The following PDE8B variants were observed in gnomAD, a reference collection of about 807,000 sequenced individuals.
The protein encoded by PDE8B is phosphodiesterase 8B.
PDE8B carries 26 observed loss-of-function variants against 101.3 expected under a neutral mutation model. The observed-to-expected ratio is 0.26, with a 90% confidence interval of 0.19 to 0.36. PDE8B has a LOEUF of 0.36. PDE8B is among the 10% of genes least tolerant of loss of function. The pLI, the probability that PDE8B is intolerant of heterozygous loss-of-function variation, is 1.00. For synonymous variants in PDE8B, 424 were observed against 429.3 expected, an observed-to-expected ratio of 0.99 and a Z score of 0.15; for missense variants, 810 against 1,163.1, an observed-to-expected ratio of 0.70 and a Z score of 4.42.
intron 10 of PDE8B, among the ~76,000 whole-genome samples, chr5:77,372,544 C>T (rs1339275093): frequency 2.6e-5 from 4 of 152,154 alleles, no homozygotes; most frequent in Non-Finnish European, 4.4e-5. Flanking sequence ...GTGAAGGTAT[C>T]GTGGCCTGGA....
chr5:77,404,775 G>A lies in PDE8B; in HGVS notation c.1266G>A (p.Ser422=), dbSNP rs146656374. The A allele has an allele frequency of 2.1e-5, 34 of 1,601,714 alleles. No homozygotes were observed. Among genetic ancestry groups the A allele is most frequent in the African/African-American group, 8.0e-5 (6 of 74,676 alleles). The change falls in exon 12 of 22, where the codon TCG becomes TCA. Residue 422 remains serine (S), a synonymous_variant. Coordinates refer to ENST00000264917, the MANE Select transcript of PDE8B (RefSeq NM_003719.5). Reference sequence around the variant, plus strand: ...GGAAAGAGTCCATTGACGTGAAATCGATATCATCTCGAGGCAGTGATGGTA... The same window carrying A: ...GGAAAGAGTCCATTGACGTGAAATCAATATCATCTCGAGGCAGTGATGGTA... ...NRRKESIDVK[S]ISSRGSDAPS...
intron 1 of PDE8B, among the ~76,000 whole-genome samples, chr5:77,271,081 A>G (rs1762692571): frequency 6.6e-6 from 1 of 152,238 alleles, no homozygotes; most frequent in South Asian, 2.1e-4. Context: ...CGCAGTGGCT[A>G]GGCCCCACCC....
intron 7 of PDE8B, 37 bp from the exon 8 acceptor site, chr5:77,349,382 G>A: frequency 1.2e-6 from 2 of 1,613,262 alleles, no homozygotes; most frequent in Non-Finnish European, 1.7e-6. Flanking sequence ...TCTGTCTTGT[G>A]TCCCCGCACT....
chr5:77,354,137 G>A (rs1306850396), intron 10 of PDE8B, among the ~76,000 whole-genome samples: 1 of 152,178 alleles, frequency 6.6e-6, no homozygotes, highest in African/African-American at 2.4e-5. Flanking sequence ...GGGCTTCTGT[G>A]GCATAATCCA....
intron 4 of PDE8B, among the ~76,000 whole-genome samples, chr5:77,329,858 G>A (rs1309022051): frequency 6.6e-6 from 1 of 152,120 alleles, no homozygotes; most frequent in Non-Finnish European, 1.5e-5. Flanking sequence ...GGCCAGGAAA[G>A]TCTGGCCCAG....
chr5:77,200,387 A>G, the PDE8B span, among the ~76,000 whole-genome samples: 1 of 152,196 alleles, frequency 6.6e-6, no homozygotes, highest in East Asian at 1.9e-4. Context: ...GTTTACTTCT[A>G]CAAATAAGCC....
chr5:77,329,184 A>T, intron 4 of PDE8B, 127 bp downstream of exon 4: 1 of 723,930 alleles, frequency 1.4e-6, no homozygotes, highest in Non-Finnish European at 2.5e-6. Flanking sequence ...CCAGCCTTAG[A>T]TCTTGATCTT....
At chr5:77,168,257 C>T in the PDE8B span, among the ~76,000 whole-genome samples, 14 of 152,222 alleles carry the variant, frequency 9.2e-5, no homozygotes, top group Non-Finnish European at 8.8e-5. Flanking sequence ...GGCATGGCAG[C>T]CTGAGAAGTC....
intron 4 of PDE8B, among the ~76,000 whole-genome samples, chr5:77,330,662 C>T (rs886745998): frequency 6.6e-6 from 1 of 152,148 alleles, no homozygotes; most frequent in African/African-American, 2.4e-5. Flanking sequence ...CACCCAATCC[C>T]TTTTATTCCA....
At chr5:77,168,312 T>C in the PDE8B span, among the ~76,000 whole-genome samples, 1 of 152,196 alleles carries the variant, frequency 6.6e-6, no homozygotes, top group Non-Finnish European at 1.5e-5. Context: ...TGTGTCAGGC[T>C]GTTCCTTCCT....
At chr5:77,168,517 C>G in the PDE8B span, among the ~76,000 whole-genome samples, 1 of 152,250 alleles carries the variant, frequency 6.6e-6, no homozygotes, top group East Asian at 1.9e-4. Flanking sequence ...TCCTGCCCCT[C>G]TGAGGCAGGG....
At chr5:77,375,889 C>CTTTTTTTTTTTTTTTT (rs70988668) in intron 10 of PDE8B, among the ~76,000 whole-genome samples, 1 of 108,316 alleles carries the variant, frequency 9.2e-6, no homozygotes, top group Non-Finnish European at 1.8e-5. Flanking sequence ...GCCTTGATTT[C>CTTTTTTTTTTTTTTTT]TTTTTTTTTT....
intron 10 of PDE8B, among the ~76,000 whole-genome samples, chr5:77,375,884 G>C (rs1412983686): frequency 3.5e-5 from 4 of 114,466 alleles, no homozygotes; most frequent in African/African-American, 1.4e-4. Flanking sequence ...TTTGTGCCTT[G>C]ATTTCTTTTT....
chr5:77,344,821 A>G, intron 6 of PDE8B, 32 bp from the exon 7 acceptor site: 1 of 1,337,898 alleles, frequency 7.5e-7, no homozygotes, highest in South Asian at 1.2e-5. Context: ...GTTTTCATAG[A>G]AGAACTAACT....
chr5:77,131,544 C>T, the PDE8B span, among the ~76,000 whole-genome samples: 1 of 152,176 alleles, frequency 6.6e-6, no homozygotes, highest in Non-Finnish European at 1.5e-5. Context: ...TTGGGCAAAG[C>T]CATTTAACCT....
At chr5:77,124,431 A>G in the PDE8B span, among the ~76,000 whole-genome samples, 25 of 152,040 alleles carry the variant, frequency 1.6e-4, no homozygotes, top group Non-Finnish European at 3.7e-4. Flanking sequence ...TACACAAAAT[A>G]CAAAAAATTA....
At chr5:77,288,022 T>A (rs1263856900) in intron 1 of PDE8B, among the ~76,000 whole-genome samples, 2 of 152,214 alleles carry the variant, frequency 1.3e-5, no homozygotes, top group Non-Finnish European at 2.9e-5. Context: ...TAGAGATAAT[T>A]TGATGCTCTG....
chr5:77,386,865 CTTTTTTTT>C (rs59393259), intron 10 of PDE8B, among the ~76,000 whole-genome samples: 30 of 51,084 alleles, frequency 5.9e-4, no homozygotes, highest in African/African-American at 2.0e-3. Flanking sequence ...GATGTAGTTT[CTTTTTTTT>C]TTTTTTTTTT....
chr5:77,267,107 C>T (rs1761877311), intron 1 of PDE8B, among the ~76,000 whole-genome samples: 1 of 152,072 alleles, frequency 6.6e-6, no homozygotes, highest in African/African-American at 2.4e-5. Context: ...GTGACTCATT[C>T]ACCACTTCTT....
Sources: allele counts gnomAD v4.1 joint callset (sites outside exome capture counted in the v4.1 genomes callset), GRCh38; gene constraint gnomAD v4.1.1; transcripts MANE v1.5; gene names NCBI Gene and HGNC (gene_info 2026-07-23, HGNC 2026-07-21).